The following DGKA variants were observed in gnomAD, a reference collection of about 807,000 sequenced individuals.
DGKA encodes the protein diacylglycerol kinase alpha, also known as 80 kDa diacylglycerol kinase.
A neutral mutation model predicts 105.0 loss-of-function variants in DGKA; 35 were observed. The observed-to-expected ratio is 0.33, with a 90% CI of 0.25 to 0.44. DGKA has a LOEUF of 0.44. DGKA is among the 20% of genes least tolerant of loss of function. DGKA has a pLI of 1.00. For synonymous variants in DGKA, 296 were observed against 332.0 expected (o/e 0.89, Z 1.18); for missense variants, 665 against 915.0 (o/e 0.73, Z 3.53).
Position 55,936,552 on chromosome 12 carries a change from C to CA in DGKA, c.54dup (p.Tyr19IlefsTer11). Reference sequence around the variant, plus strand: ...AAGCCCCAGTGATTTTGCCCAGCTGCAAAAATACATGGAATGTGAGTCTTC... The same window carrying CA: ...AAGCCCCAGTGATTTTGCCCAGCTGCAAAAAATACATGGAATGTGAGTCTTC... On this transcript the variant is annotated frameshift_variant, in exon 2 of 24. Transcript: ENST00000331886. LOFTEE classifies it high-confidence loss of function. 1 of 1,614,090 alleles carries CA rather than the reference C, an allele frequency of 6.2e-7. No individual in the cohort carries two copies. Among genetic ancestry groups the CA allele is most frequent in the Non-Finnish European group, 8.5e-7 (1 of 1,180,008 alleles).
upstream of DGKA, chr12:55,927,880 C>T (rs185334448): frequency 3.0e-4 from 405 of 1,338,308 alleles, 3 homozygotes; most frequent in African/African-American, 5.2e-3. Flanking sequence ...TCGCCCAGAC[C>T]TCCTAACCCT....
intron 1 of DGKA, among the ~76,000 whole-genome samples, chr12:55,934,437 C>G (rs543469427): frequency 6.6e-6 from 1 of 152,240 alleles, no homozygotes; most frequent in Admixed American, 6.5e-5. Context: ...GTCAGTATCC[C>G]AGAACCCTCT....
intron 9 of DGKA, 139 bp from the exon 10 acceptor site, chr12:55,939,943 T>TGCC: frequency 1.4e-6 from 1 of 737,740 alleles, no homozygotes; most frequent in South Asian, 1.6e-5. Flanking sequence ...GTTTTGGAGG[T>TGCC]GGGCACTTCA....
Position 55,940,907 on chromosome 12 carries a change from C to T in DGKA, c.1028C>T (p.Pro343Leu), listed in dbSNP as rs376885641. 120 of 1,613,976 alleles carry T rather than the reference C, an allele frequency of 7.4e-5. No homozygotes were observed. Among genetic ancestry groups the T allele is most frequent in the East Asian group, 1.8e-4 (8 of 44,896 alleles). ...TTCTTCCCCTCCCAGGCCTCTGGAC[C>T]GGATCGTAAAAATAGCAAAACAAGC... Reference protein sequence around the residue: ...SIYPSVLASGPDRKNSKTSQK... With the variant: ...SIYPSVLASGLDRKNSKTSQK... The change falls in exon 13 of 24, where the codon CCG becomes CTG. Residue 343 changes from proline to leucine, a missense_variant. This residue lies in a region of DGKA where 504 missense variants were observed against 681.2 expected (regional missense o/e 0.74). Coordinates refer to ENST00000331886, the MANE Select transcript of DGKA (RefSeq NM_001345.5). The surrounding 1 kb of genome is among the most constrained non-coding windows in gnomAD (Gnocchi z 4.3).
Position 55,938,913 on chromosome 12 carries a change from AG to A in DGKA, c.400del. On this transcript the variant is annotated splice_acceptor_variant, in intron 6 of 23. Coordinates refer to ENST00000331886, the MANE Select transcript of DGKA (RefSeq NM_001345.5). LOFTEE classifies it high-confidence loss of function. ...CTGTGGCTCTTGCCCTTTTTGCTCCAGGAAGTGGACAAAATTATCCTACAGA... is the reference window on the plus strand; with the variant it reads ...CTGTGGCTCTTGCCCTTTTTGCTCCAGAAGTGGACAAAATTATCCTACAGA... 6.2e-7 allele frequency: 1 copy of A among 1,614,194 alleles called. No individual in the cohort carries two copies. The highest frequency in any genetic ancestry group is 8.5e-7 in the Non-Finnish European group (1 of 1,180,032).
chr12:55,943,777 A>G (rs956660842), intron 17 of DGKA, among the ~76,000 whole-genome samples: 13 of 152,188 alleles, frequency 8.5e-5, no homozygotes, highest in African/African-American at 3.1e-4. Flanking sequence ...TGTTTTATAT[A>G]TAGACATATA....
At position 55,942,030 on chromosome 12, in the gene DGKA, G is replaced by A. The variant is rs753672872; in HGVS notation, c.1283G>A (p.Arg428Gln). 2.3e-5 allele frequency: 37 copies of A among 1,614,028 alleles called. No individual in the cohort carries two copies. Among genetic ancestry groups the A allele is most frequent in the African/African-American group, 6.7e-5 (5 of 74,902 alleles). ...TTATTCAAGGATGTTCCTGATAGCC[G>A]GATTTTGGTGTGTGGTGGAGACGGC... ...LRLFKDVPDS[R>Q]ILVCGGDGTV... The change falls in exon 16 of 24, where the codon CGG becomes CAG. Residue 428 changes from arginine (R) to glutamine (Q), a missense_variant. This residue lies in a region of DGKA where 504 missense variants were observed against 681.2 expected (regional missense o/e 0.74). Transcript: ENST00000331886.
rs1565745879 is a variant in DGKA at position 55,941,527 on chromosome 12, A to C, written c.1193A>C (p.Gln398Pro). The C allele has an allele frequency of 2.5e-6, 4 of 1,614,198 alleles. No individual in the cohort carries two copies. Among genetic ancestry groups the C allele is most frequent in the Non-Finnish European group, 3.4e-6 (4 of 1,180,032 alleles). The change falls in exon 15 of 24, where the codon CAG (glutamine) becomes CCG (proline). Residue 398 changes from glutamine (Q) to proline (P), a missense_variant. Gln to Pro is a moderately conservative substitution (Grantham distance 76). Around this residue, in one of 3 missense-constraint regions of DGKA, gnomAD observed 504 missense variants for 681.2 expected, o/e 0.74. Transcript: ENST00000331886. ...KQGQRVLWKF[Q>P]YILNPRQVFN... is the part of the protein sequence containing the mutation. ...ACACACAGGGTGCTCTGGAAGTTCC[A>C]GTATATATTAAACCCTCGACAGGTG...
intron 17 of DGKA, among the ~76,000 whole-genome samples, chr12:55,946,803 T>A (rs939718220): frequency 6.6e-6 from 1 of 152,172 alleles, no homozygotes; most frequent in Non-Finnish European, 1.5e-5. Context: ...AAGTGAAGAC[T>A]TTCAAGAGTT....
rs754260129 is a variant in DGKA at position 55,941,298 on chromosome 12, C to T, written c.1148C>T (p.Pro383Leu). The T allele has an allele frequency of 1.5e-5, 25 of 1,613,576 alleles. No homozygotes were observed. The highest frequency in any genetic ancestry group is 1.8e-5 in the Non-Finnish European group (21 of 1,179,700). Residue 383 changes from proline to leucine, a missense_variant, in exon 14 of 24, where the codon CCT becomes CTT. By Grantham distance (98) the Pro-to-Leu change is moderately conservative (BLOSUM62 -3). Transcript: ENST00000331886. ...CACCCACTTCTCGTCTTTGTCAATC[C>T]TAAGAGTGGCGGGAAGCAGGGGCAA... Reference protein sequence around the residue: ...NTHPLLVFVNPKSGGKQGQRV... With the variant: ...NTHPLLVFVNLKSGGKQGQRV...
Position 55,937,558 on chromosome 12 carries a change from G to A in DGKA, c.274+15G>A. On this transcript the variant is annotated intron_variant, in intron 4 of 23. Transcript: ENST00000331886. ...TGTGACAAAAGGTATGGTCAAGCAG[G>A]TAGGACTGGGCTAAGCCTCTGGCAG... 1.2e-6 allele frequency: 2 copies of A among 1,613,312 alleles called. No homozygotes were observed. The highest frequency in any genetic ancestry group is 1.7e-6 in the Non-Finnish European group (2 of 1,179,500).
chr12:55,948,600 C>T (rs776103514), intron 17 of DGKA, among the ~76,000 whole-genome samples: 2 of 151,602 alleles, frequency 1.3e-5, no homozygotes, highest in Admixed American at 6.6e-5. Flanking sequence ...TGGTGGCACA[C>T]GCTTGTGGTT....
Position 55,952,810 on chromosome 12 carries a change from G to C in DGKA, c.1820G>C (p.Gly607Ala), listed in dbSNP as rs970410145. The change falls in exon 21 of 24, where the codon GGT (glycine) becomes GCT (alanine). Residue 607 changes from glycine (G) to alanine (A), a missense_variant. Physicochemically the swap from Gly to Ala is moderately conservative, Grantham distance 60 (BLOSUM62 0). Transcript: ENST00000331886. The surrounding 1 kb of genome is among the most constrained non-coding windows in gnomAD (Gnocchi z 5.1). ...IAVLNIPSMH[G>A]GSNLWGDTRR... ...GTGCTAAACATCCCTAGCATGCATGGTGGCTCCAACCTCTGGGGTGATACC... is the reference window on the plus strand; with the variant it reads ...GTGCTAAACATCCCTAGCATGCATGCTGGCTCCAACCTCTGGGGTGATACC... 6.2e-7 allele frequency: 1 copy of C among 1,614,166 alleles called. No homozygotes were observed. Among genetic ancestry groups the C allele is most frequent in the Admixed American group, 1.7e-5 (1 of 60,022 alleles).
chr12:55,939,675 T>C (rs1885493824), intron 9 of DGKA, 146 bp downstream of exon 9: 1 of 734,138 alleles, frequency 1.4e-6, no homozygotes, highest in Admixed American at 2.8e-5. Flanking sequence ...GCCACATCAC[T>C]TCTTTAAGCC....
rs567092846 is a variant in DGKA at position 55,946,553 on chromosome 12, C to T, written c.1426+4290C>T. On this transcript the variant is annotated intron_variant, in intron 17 of 23. Transcript: ENST00000331886. Reference sequence around the variant, plus strand: ...TGTATTTTTAGTAGAGACAGGGTTTCGCCATGTTGGCCAGGCTGGTCTCAA... The same window carrying T: ...TGTATTTTTAGTAGAGACAGGGTTTTGCCATGTTGGCCAGGCTGGTCTCAA... Among the ~76,000 whole-genome samples, 5 of 152,206 alleles carry T rather than the reference C, an allele frequency of 3.3e-5. No homozygotes were observed. The South Asian group carries it at 8.3e-4, about 25-fold the overall frequency.
rs1405334532 is a variant in DGKA at position 55,940,947 on chromosome 12, T to C, written c.1068T>C (p.Asp356=). The C allele has an allele frequency of 6.2e-7, 1 of 1,614,026 alleles. No homozygotes were observed. Among genetic ancestry groups the C allele is most frequent in the Non-Finnish European group, 8.5e-7 (1 of 1,179,978 alleles). ...GCAAAACAAGCCAGAAGACCATGGA[T>C]GATTTAAATTTGAGCACCTCTGAGG... ...KNSKTSQKTM[D]DLNLSTSEAL... The change falls in exon 13 of 24, where the codon GAT becomes GAC. Residue 356 remains aspartate, a synonymous_variant. Coordinates refer to ENST00000331886, the MANE Select transcript of DGKA (RefSeq NM_001345.5). The surrounding 1 kb of genome is among the most constrained non-coding windows in gnomAD (Gnocchi z 4.3).
intron 17 of DGKA, among the ~76,000 whole-genome samples, chr12:55,948,403 A>T (rs1167709111): frequency 1.4e-5 from 2 of 139,534 alleles, no homozygotes; most frequent in Non-Finnish European, 3.1e-5. Context: ...TCCATCTCGA[A>T]AAAAAAAAAA....
Position 55,940,404 on chromosome 12 carries a change from G to A in DGKA, c.889G>A (p.Gly297Arg). 1.2e-6 allele frequency: 2 copies of A among 1,614,230 alleles called. No homozygotes were observed. Among genetic ancestry groups the A allele is most frequent in the Non-Finnish European group, 1.7e-6 (2 of 1,180,044 alleles). ...KKIRIYHSLTGLHCVWCHLEI... is the reference protein window; with the variant it reads ...KKIRIYHSLTRLHCVWCHLEI... ...GATCCGGATCTACCACAGTCTGACCGGGCTGCATTGTGTATGGTGCCACCT... is the reference window on the plus strand; with the variant it reads ...GATCCGGATCTACCACAGTCTGACCAGGCTGCATTGTGTATGGTGCCACCT... The change falls in exon 11 of 24, where the codon GGG becomes AGG. Residue 297 changes from glycine (G) to arginine (R), a missense_variant. By Grantham distance (125) the Gly-to-Arg change is moderately radical. Around this residue, in one of 3 missense-constraint regions of DGKA, gnomAD observed 504 missense variants for 681.2 expected, o/e 0.74. Transcript: ENST00000331886. This position sits in a 1 kb window ranked among gnomAD's most constrained non-coding sequence, Gnocchi z 4.3.
Position 55,941,916 on chromosome 12 carries a change from C to A in DGKA, c.1251-82C>A. On this transcript the variant is annotated intron_variant, in intron 15 of 23. Transcript: ENST00000331886. ...GAGGAGGGTCCTACGGAATGAGAGA[C>A]AAGAAGCAATCTGCCTGCTCAGGAC... The A allele has an allele frequency of 7.8e-6, 11 of 1,418,516 alleles. 1 individual carries two copies. Among genetic ancestry groups the A allele is most frequent in the South Asian group, 2.3e-5 (2 of 86,302 alleles). 87.9% of individuals were successfully genotyped at this position (1,418,516 alleles called of 1,614,324 possible).
Sources: gnomAD v4.1 joint callset for allele counts (sites outside exome capture counted in the v4.1 genomes callset) on GRCh38, gnomAD v4.1.1 for gene constraint, gnomAD v4.1.1 regional missense constraint, Gnocchi (gnomAD v3.1) non-coding constraint, MANE v1.5 for transcripts, NCBI Gene and HGNC (gene_info 2026-07-23, HGNC 2026-07-21) for gene names.